The following APCDD1L variants were observed in gnomAD, a reference collection of about 807,000 sequenced individuals.
The protein encoded by APCDD1L is APC down-regulated 1 like, also known as protein APCDD1-like.
APCDD1L carries 21 observed loss-of-function variants against 24.2 expected under a neutral mutation model. The observed-to-expected ratio is 0.87, with a 90% CI of 0.61 to 1.25. The LOEUF is 1.25. Ranked by LOEUF, APCDD1L falls within the 50% of genes most tolerant of loss-of-function variation. The pLI is 0.00. For missense variants in APCDD1L, 704 were observed against 711.7 expected (o/e 0.99, Z 0.12); for synonymous variants, 321 against 323.6 (o/e 0.99, Z 0.09).
chr20:58,479,842 G>A (rs1211067506), intron 1 of APCDD1L, among the ~76,000 whole-genome samples: 1 of 152,160 alleles, frequency 6.6e-6, no homozygotes, highest in Non-Finnish European at 1.5e-5. Flanking sequence ...AAGCTTCAGA[G>A]ACCGGCTGTG....
intron 1 of APCDD1L, among the ~76,000 whole-genome samples, chr20:58,480,932 AC>A (rs1990013474): frequency 1.3e-5 from 2 of 152,278 alleles, no homozygotes; most frequent in South Asian, 4.1e-4. Flanking sequence ...TTCCCTTTTC[AC>A]CCAGATGTTC....
At chr20:58,492,786 TCA>T (rs1380096404) in intron 1 of APCDD1L, among the ~76,000 whole-genome samples, 11 of 152,064 alleles carry the variant, frequency 7.2e-5, no homozygotes, top group Non-Finnish European at 5.9e-5. Flanking sequence ...ACACATGCAC[TCA>T]CACACAATGC....
chr20:58,472,323 G>C (rs1392468621), intron 1 of APCDD1L, among the ~76,000 whole-genome samples: 2 of 152,200 alleles, frequency 1.3e-5, no homozygotes. Context: ...CCTGGAGTCG[G>C]TGTTAGCATC....
rs1033108678 is a variant in APCDD1L at position 58,494,274 on chromosome 20, TCTTTTCTTTTCTTA to T, written c.49+20371_49+20384del. Among the ~76,000 whole-genome samples the T allele has an allele frequency of 3.0e-5, 4 of 132,032 alleles. No individual in the cohort carries two copies. Among genetic ancestry groups the T allele is most frequent in the Non-Finnish European group, 4.9e-5 (3 of 61,108 alleles). The allele number at this position is 132,032 out of a possible 152,430, so 86.6% of individuals were successfully genotyped here. ...GGTCAACTGCATTTCTTTTTTCTTTTCTTTTCTTTTCTTACTTTTCTTTTCTCTTCTCTCTTCTC... is the reference window on the plus strand; with the variant it reads ...GGTCAACTGCATTTCTTTTTTCTTTTCTTTTCTTTTCTCTTCTCTCTTCTC... On this transcript the variant is annotated intron_variant, in intron 1 of 3. Coordinates refer to ENST00000371149, the MANE Select transcript of APCDD1L (RefSeq NM_153360.3). This position sits in a 1 kb window ranked among gnomAD's most constrained non-coding sequence, Gnocchi z 4.8.
rs960916050 is a variant in APCDD1L, at chr20:58,467,747, C to T, written c.189-89G>A. On this transcript the variant is annotated intron_variant, in intron 2 of 3. Coordinates refer to ENST00000371149, the MANE Select transcript of APCDD1L (RefSeq NM_153360.3). This position sits in a 1 kb window ranked among gnomAD's most constrained non-coding sequence, Gnocchi z 5.9. ...CTCTGGGCTGGGCTCCTTTCTCCCC[C>T]CCAGCCCTCCTCTTAGTCCTCAGCT... is the stretch of plus-strand genomic sequence containing the variant. The T allele has an allele frequency of 2.3e-5, 29 of 1,287,818 alleles. No individual in the cohort carries two copies. Among genetic ancestry groups the T allele is most frequent in the Non-Finnish European group, 2.7e-5 (27 of 989,894 alleles). The allele number at this position is 1,287,818 out of a possible 1,614,324, so 79.8% of individuals were successfully genotyped here.
At chr20:58,468,590 C>T (rs1989759473) in intron 2 of APCDD1L, among the ~76,000 whole-genome samples, 2 of 152,096 alleles carry the variant, frequency 1.3e-5, no homozygotes, top group Admixed American at 1.3e-4. Context: ...TTTTTTGAGA[C>T]AGAATCTCAC....
chr20:58,467,018 A>T lies in APCDD1L; in HGVS notation c.741+88T>A. The T allele has an allele frequency of 6.8e-7, 1 of 1,469,750 alleles. No individual in the cohort carries two copies. Among genetic ancestry groups the T allele is most frequent in the Non-Finnish European group, 9.0e-7 (1 of 1,110,512 alleles). 91.0% of individuals were successfully genotyped at this position (1,469,750 alleles called of 1,614,324 possible). A position where few individuals can be genotyped will look rare whatever the true frequency, so the allele number is the denominator to read the frequency against. On this transcript the variant is annotated intron_variant, in intron 3 of 3. Coordinates refer to ENST00000371149, the MANE Select transcript of APCDD1L (RefSeq NM_153360.3). This position sits in a 1 kb window ranked among gnomAD's most constrained non-coding sequence, Gnocchi z 5.9. ...GGCAGCCAGAGCCCTGGGCAGGCCC[A>T]GGTCTTGCAAAGCTGCGGGGCTGGG...
At chr20:58,474,077 C>T (rs904215148) in intron 1 of APCDD1L, among the ~76,000 whole-genome samples, 2 of 152,216 alleles carry the variant, frequency 1.3e-5, no homozygotes, top group Non-Finnish European at 2.9e-5. Context: ...AGTGTGGGCA[C>T]TTGGCTAAGA....
In APCDD1L at chr20:58,461,463, A is replaced by G; in HGVS notation, c.833T>C (p.Leu278Pro). Residue 278 changes from leucine to proline, a missense_variant, in exon 4 of 4, where the codon CTG becomes CCG. Leu to Pro is a moderately conservative substitution (Grantham distance 98). Transcript: ENST00000371149. The surrounding 1 kb of genome is among the most constrained non-coding windows in gnomAD (Gnocchi z 6.0). ...PVLPPPLALP[L>P]HLGGWWVSSG... ...GCTGACCCACCAGCCGCCCAGGTGC[A>G]GGGGCAGGGCCAGAGGGGGCGGCAG... The G allele has an allele frequency of 6.7e-7, 1 of 1,494,868 alleles. No individual in the cohort carries two copies. Among genetic ancestry groups the G allele is most frequent in the East Asian group, 2.3e-5 (1 of 42,582 alleles). The allele number at this position is 1,494,868 out of a possible 1,614,324, so 92.6% of individuals were successfully genotyped here.
At chr20:58,514,541 C>T in intron 1 of APCDD1L, 118 bp downstream of exon 1, 1 of 1,039,796 alleles carries the variant, frequency 9.6e-7, no homozygotes, top group Non-Finnish European at 1.3e-6. Context: ...CGCAGCATAG[C>T]AGCCGCGTGG....
At chr20:58,464,533 C>G (rs936303135) in intron 3 of APCDD1L, among the ~76,000 whole-genome samples, 3 of 152,196 alleles carry the variant, frequency 2.0e-5, no homozygotes, top group African/African-American at 4.8e-5. Flanking sequence ...GTACAGAAAC[C>G]AAACTCTTAC....
intron 1 of APCDD1L, among the ~76,000 whole-genome samples, chr20:58,487,859 T>C (rs1046751002): frequency 1.3e-5 from 2 of 152,216 alleles, no homozygotes; most frequent in African/African-American, 4.8e-5. Flanking sequence ...ACAAGGCTTC[T>C]GATTATTTAT....
At chr20:58,507,415 C>G (rs1990543327) in intron 1 of APCDD1L, among the ~76,000 whole-genome samples, 1 of 152,302 alleles carries the variant, frequency 6.6e-6, no homozygotes, top group Non-Finnish European at 1.5e-5. Flanking sequence ...AAGTAATGTG[C>G]TAGCACAGTG....
chr20:58,486,854 GTTTTTTTTTT>G (rs747539318), intron 1 of APCDD1L, among the ~76,000 whole-genome samples: 3 of 80,404 alleles, frequency 3.7e-5, no homozygotes, highest in African/African-American at 5.2e-5. Context: ...TGGAGGGAAG[GTTTTTTTTTT>G]TTTTTTTTTT....
At chr20:58,509,927 C>T (rs1990595928) in intron 1 of APCDD1L, among the ~76,000 whole-genome samples, 1 of 152,214 alleles carries the variant, frequency 6.6e-6, no homozygotes, top group Admixed American at 6.5e-5. Context: ...CCTCCAGGAA[C>T]CAGCCCCTGC....
At chr20:58,482,693 C>G (rs1337783761) in intron 1 of APCDD1L, among the ~76,000 whole-genome samples, 2 of 152,138 alleles carry the variant, frequency 1.3e-5, no homozygotes, top group Non-Finnish European at 2.9e-5. Flanking sequence ...TGGATCTGCT[C>G]GACCCTTATC....
Position 58,465,367 on chromosome 20 carries a change from G to T in APCDD1L, c.741+1739C>A, listed in dbSNP as rs549650471. Among the ~76,000 whole-genome samples the T allele has an allele frequency of 1.3e-4, 20 of 152,320 alleles. No homozygotes were observed. The South Asian group carries it at 3.9e-3, about 30-fold the overall frequency. ...GGGAAGGGGAGGAAGGCAGGCTTCT[G>T]GTCTGTCTCATCCACAGTGCTCCCG... On this transcript the variant is annotated intron_variant, in intron 3 of 3. Coordinates refer to ENST00000371149, the MANE Select transcript of APCDD1L (RefSeq NM_153360.3).
chr20:58,494,280 CTTTTCT>C lies in APCDD1L; in HGVS notation c.49+20373_49+20378del, dbSNP rs1182220885. 1.4e-5 allele frequency among the ~76,000 whole-genome samples: 2 copies of C among 139,518 alleles called. No homozygotes were observed. Among genetic ancestry groups the C allele is most frequent in the Non-Finnish European group, 3.0e-5 (2 of 66,630 alleles). The allele number at this position is 139,518 out of a possible 152,430, so 91.5% of individuals were successfully genotyped here. A position where few individuals can be genotyped will look rare whatever the true frequency, so the allele number is the denominator to read the frequency against. ...CTGCATTTCTTTTTTCTTTTCTTTT[CTTTTCT>C]TACTTTTCTTTTCTCTTCTCTCTTC... On this transcript the variant is annotated intron_variant, in intron 1 of 3. Coordinates refer to ENST00000371149, the MANE Select transcript of APCDD1L (RefSeq NM_153360.3). This position sits in a 1 kb window ranked among gnomAD's most constrained non-coding sequence, Gnocchi z 4.8.
intron 1 of APCDD1L, among the ~76,000 whole-genome samples, chr20:58,495,025 C>A (rs1226623472): frequency 1.3e-5 from 2 of 152,202 alleles, no homozygotes; most frequent in East Asian, 1.9e-4. Context: ...CCCTGCACTC[C>A]TCCATAAACA....
Sources: gnomAD v4.1 joint callset for allele counts (sites outside exome capture counted in the v4.1 genomes callset) on GRCh38, gnomAD v4.1.1 for gene constraint, Gnocchi (gnomAD v3.1) non-coding constraint, MANE v1.5 for transcripts, NCBI Gene and HGNC (gene_info 2026-07-23, HGNC 2026-07-21) for gene names.